Variants in HCK observed in about 807,000 individuals in gnomAD.
The protein encoded by HCK is HCK proto-oncogene, Src family tyrosine kinase.
Under a neutral mutation model 70.4 loss-of-function variants are expected in HCK, and 40 were observed. The ratio of observed to expected loss-of-function variants is 0.57; its 90% CI spans 0.44 to 0.74. The LOEUF (loss-of-function observed/expected upper bound fraction) is 0.74, where lower values mean the gene tolerates loss of function less well. Among genes scored for constraint, HCK ranks in the 30% least tolerant of loss-of-function variants. HCK has a pLI of 0.00. For missense variants in HCK, 568 were observed against 697.2 expected (o/e 0.81, Z 2.09); for synonymous variants, 245 against 263.2 (o/e 0.93, Z 0.67).
rs555786385 is a variant in HCK at position 32,092,717 on chromosome 20, A to G, written c.1093-1146A>G. ...CAACTCTCCCCACTCTCTCTGTGGC[A>G]TCTTCTGCTGGCCACACTGACCTCT... is the stretch of plus-strand genomic sequence containing the variant. On this transcript the variant is annotated intron_variant, in intron 10 of 12. Coordinates refer to ENST00000375852, the MANE Select transcript of HCK (RefSeq NM_002110.5). 5.3e-5 allele frequency among the ~76,000 whole-genome samples: 8 copies of G among 152,088 alleles called. No individual in the cohort carries two copies. In the South Asian group the frequency reaches 1.2e-3, roughly 24 times the overall value.
At chr20:32,073,489 GA>G (rs2045574162) in intron 3 of HCK, 128 bp downstream of exon 3, 2 of 828,346 alleles carry the variant, frequency 2.4e-6, no homozygotes, top group African/African-American at 3.4e-5. Context: ...AATTTCCTCT[GA>G]AGTGCTTTGC....
chr20:32,069,767 T>C, intron 1 of HCK: 2 of 1,278,084 alleles, frequency 1.6e-6, no homozygotes, highest in Non-Finnish European at 2.0e-6. Flanking sequence ...TCCTTGTAAA[T>C]AAAAGGAATC....
intron 5 of HCK, among the ~76,000 whole-genome samples, chr20:32,075,706 TCATCCATCCATCCATCCATC>T: frequency 6.6e-6 from 1 of 150,476 alleles, no homozygotes; most frequent in African/African-American, 2.4e-5. Context: ...ATCCATCCAT[TCATCCATCCATCCATCCATC>T]CATCCATCCA....
At chr20:32,069,265 T>C (rs564490372) in intron 1 of HCK, among the ~76,000 whole-genome samples, 1 of 152,240 alleles carries the variant, frequency 6.6e-6, no homozygotes, top group Non-Finnish European at 1.5e-5. Flanking sequence ...ACACAGGTCT[T>C]CTGAGACCCC....
At chr20:32,099,255 T>C in intron 12 of HCK, 120 bp downstream of exon 12, 1 of 1,092,128 alleles carries the variant, frequency 9.2e-7, no homozygotes, top group Non-Finnish European at 1.3e-6. Context: ...TCCCTCACCT[T>C]TCCTGTCTTA....
chr20:32,096,905 G>GTATA (rs111353278), intron 11 of HCK, among the ~76,000 whole-genome samples: 5 of 149,678 alleles, frequency 3.3e-5, no homozygotes, highest in African/African-American at 7.3e-5. Flanking sequence ...GATTACAAGG[G>GTATA]TATATATATA....
chr20:32,068,486 C>T (rs760127106), intron 1 of HCK, among the ~76,000 whole-genome samples: 3 of 151,932 alleles, frequency 2.0e-5, no homozygotes, highest in Non-Finnish European at 4.4e-5. Flanking sequence ...ATTTGTGGCT[C>T]ACATGACATT....
intron 1 of HCK, among the ~76,000 whole-genome samples, chr20:32,055,931 T>G (rs1219161131): frequency 6.6e-6 from 1 of 152,270 alleles, no homozygotes; most frequent in East Asian, 1.9e-4. Flanking sequence ...TATGTGACTT[T>G]CTGTGTCTAG....
Position 32,093,916 on chromosome 20 carries a change from C to G in HCK, c.1146C>G (p.Leu382=). The G allele has an allele frequency of 6.2e-7, 1 of 1,614,134 alleles. No homozygotes were observed. The stretch of plus-strand genomic sequence containing the variant: ...AGAGGAACTACATCCACCGAGACCT[C>G]CGAGCTGCCAACATCTTGGTCTCTG... The change falls in exon 11 of 13, where the codon CTC becomes CTG. Residue 382 remains leucine, a synonymous_variant. Coordinates refer to ENST00000375852, the MANE Select transcript of HCK (RefSeq NM_002110.5).
chr20:32,070,401 G>A (rs2045519484), intron 1 of HCK, among the ~76,000 whole-genome samples: 1 of 152,088 alleles, frequency 6.6e-6, no homozygotes. Context: ...CCTCTTCCCT[G>A]CCCATGAGCT....
intron 5 of HCK, among the ~76,000 whole-genome samples, chr20:32,077,350 A>C (rs1204897051): frequency 6.6e-6 from 1 of 152,124 alleles, no homozygotes; most frequent in Non-Finnish European, 1.5e-5. Flanking sequence ...CCAACCAGCC[A>C]CTTCCCCTCC....
At chr20:32,078,523 T>C (rs1230048270) in intron 5 of HCK, among the ~76,000 whole-genome samples, 1 of 152,064 alleles carries the variant, frequency 6.6e-6, no homozygotes, top group Non-Finnish European at 1.5e-5. Context: ...TGTGTGACTC[T>C]AGGCAAGTCA....
At chr20:32,085,198 C>T (rs183806453) in intron 8 of HCK, among the ~76,000 whole-genome samples, 146 of 152,278 alleles carry the variant, frequency 9.6e-4, no homozygotes, top group African/African-American at 1.1e-3. Flanking sequence ...CCATGTATTT[C>T]GACTGTATTT....
At chr20:32,063,946 G>T (rs1489033514) in intron 1 of HCK, among the ~76,000 whole-genome samples, 2 of 148,560 alleles carry the variant, frequency 1.3e-5, no homozygotes, top group African/African-American at 5.0e-5. Context: ...GAAACCAAGG[G>T]CTGGCTCTCG....
rs1237377637 is a variant in HCK at position 32,096,449 on chromosome 20, G to A, written c.1246+2433G>A. On this transcript the variant is annotated intron_variant, in intron 11 of 12. Coordinates refer to ENST00000375852, the MANE Select transcript of HCK (RefSeq NM_002110.5). ...GAGGCAGAGGTTGCAGCAATGAGCC[G>A]AGATTGTGCCATTGCACTCCAGCCT... Among the ~76,000 whole-genome samples, 8 of 147,992 alleles carry A rather than the reference G, an allele frequency of 5.4e-5. No individual in the cohort carries two copies. The South Asian group carries it at 8.5e-4, about 16-fold the overall frequency.
At chr20:32,097,567 C>T (rs969730768) in intron 11 of HCK, among the ~76,000 whole-genome samples, 5 of 151,752 alleles carry the variant, frequency 3.3e-5, no homozygotes, top group African/African-American at 9.7e-5. Flanking sequence ...GCAAACAGAG[C>T]GAGACCCTGT....
Position 32,086,703 on chromosome 20 carries a change from C to A in HCK, c.911C>A (p.Ala304Glu). ...AGCATGTCGGTGGAGGCCTTCCTGG[C>A]AGAGGCCAACGTGATGAAAACTCTG... Residue 304 changes from alanine (A) to glutamate (E), a missense_variant, in exon 9 of 13, where the codon GCA (alanine) becomes GAA (glutamate). Physicochemically the swap from Ala to Glu is moderately radical, Grantham distance 107. Coordinates refer to ENST00000375852, the MANE Select transcript of HCK (RefSeq NM_002110.5). 1 of 1,613,712 alleles carries A rather than the reference C, an allele frequency of 6.2e-7. No individual in the cohort carries two copies. Among genetic ancestry groups the A allele is most frequent in the Non-Finnish European group, 8.5e-7 (1 of 1,179,774 alleles).
intron 5 of HCK, among the ~76,000 whole-genome samples, chr20:32,077,070 C>A (rs1018547998): frequency 1.3e-5 from 2 of 151,938 alleles, no homozygotes; most frequent in African/African-American, 2.4e-5. Context: ...GACAACAGAG[C>A]GAGACTCTAT....
chr20:32,101,240 G>T (rs1185900272), intron 12 of HCK, 77 bp from the exon 13 acceptor site: 5 of 1,312,442 alleles, frequency 3.8e-6, no homozygotes, highest in Admixed American at 1.9e-5. Flanking sequence ...TGCCTGCTGG[G>T]GAGGCCACAG....
Sources: gnomAD v4.1 joint callset for allele counts (sites outside exome capture counted in the v4.1 genomes callset) on GRCh38, gnomAD v4.1.1 for gene constraint, MANE v1.5 for transcripts, NCBI Gene and HGNC (gene_info 2026-07-23, HGNC 2026-07-21) for gene names.